Variants in PTPRZ1 observed in about 807,000 individuals in gnomAD.
The protein encoded by PTPRZ1 is protein tyrosine phosphatase receptor type Z1, also known as receptor-type tyrosine-protein phosphatase zeta.
In PTPRZ1, 82 loss-of-function variants were observed where a neutral mutation model predicts 214.1. The observed-to-expected ratio is 0.38, with a 90% CI of 0.32 to 0.46. The LOEUF (loss-of-function observed/expected upper bound fraction) is 0.46, where lower values mean the gene tolerates loss of function less well. PTPRZ1 is among the 20% of genes least tolerant of loss of function. The probability of loss-of-function intolerance (pLI) is 1.00; values close to 1 mark genes in which losing one functional copy is unlikely to be tolerated. For synonymous variants in PTPRZ1, 945 were observed against 987.9 expected (o/e 0.96, Z 0.81); for missense variants, 2,603 against 2,748.7 (o/e 0.95, Z 1.19).
At position 122,003,626 on chromosome 7, in the gene PTPRZ1, C is replaced by G. The variant is rs149428217; in HGVS notation, c.1241-988C>G. Among the ~76,000 whole-genome samples, 859 of 152,172 alleles carry G rather than the reference C, an allele frequency of 5.6e-3. 11 individuals carry two copies. Among genetic ancestry groups the G allele is most frequent in the African/African-American group, 0.02 (824 of 41,520 alleles). ...GAACATAAGCAGCATTAGGATAGTG[C>G]AGAGCATAAATTTTGGCGATAGCCT... On this transcript the variant is annotated intron_variant, in intron 10 of 29. Transcript: ENST00000393386.
Position 121,933,382 on chromosome 7 carries a change from A to T in PTPRZ1, c.124+5161A>T, listed in dbSNP as rs75987144. 5.0e-3 allele frequency among the ~76,000 whole-genome samples: 766 copies of T among 152,216 alleles called. 49 individuals carry two copies. The East Asian group carries it at 0.13, about 26-fold the overall frequency. Reference sequence around the variant, plus strand: ...TCTTTATTTTCTGGACTTTAAAAATATTATATTATTTCTTTTTCACCAATC... The same window carrying T: ...TCTTTATTTTCTGGACTTTAAAAATTTTATATTATTTCTTTTTCACCAATC... On this transcript the variant is annotated intron_variant, in intron 2 of 29. Transcript: ENST00000393386.
chr7:121,962,136 T>C (rs1016760446), intron 2 of PTPRZ1, among the ~76,000 whole-genome samples: 14 of 152,182 alleles, frequency 9.2e-5, no homozygotes, highest in Non-Finnish European at 1.5e-4. Flanking sequence ...ATTAAACATA[T>C]TAATTTGGGA....
chr7:122,015,888 C>T (rs543753301), intron 12 of PTPRZ1, among the ~76,000 whole-genome samples: 1 of 152,074 alleles, frequency 6.6e-6, no homozygotes, highest in Non-Finnish European at 1.5e-5. Context: ...TAAGATCAAA[C>T]AAGATTAGGG....
intron 13 of PTPRZ1, among the ~76,000 whole-genome samples, chr7:122,020,704 A>G (rs1798988633): frequency 6.6e-6 from 1 of 152,204 alleles, no homozygotes; most frequent in African/African-American, 2.4e-5. Context: ...ACTGCACACT[A>G]TGGAGAACAG....
intron 14 of PTPRZ1, among the ~76,000 whole-genome samples, chr7:122,031,073 T>G (rs1147497): frequency 0.45 from 68,142 of 151,778 alleles, 15,572 homozygotes; most frequent in South Asian, 0.54. Flanking sequence ...TTTATTATGC[T>G]TGGTCCACAC....
At chr7:121,976,310 G>C in intron 5 of PTPRZ1, 42 bp downstream of exon 5, 1 of 1,212,834 alleles carries the variant, frequency 8.2e-7, no homozygotes, top group Non-Finnish European at 1.2e-6. Flanking sequence ...TCCTTTTTAA[G>C]TCACATTAAA....
At chr7:121,889,391 G>A (rs984012580) in intron 1 of PTPRZ1, among the ~76,000 whole-genome samples, 10 of 152,148 alleles carry the variant, frequency 6.6e-5, no homozygotes, top group African/African-American at 2.4e-4. Flanking sequence ...CCATCCTGAA[G>A]CAAGGTTTTG....
intron 2 of PTPRZ1, among the ~76,000 whole-genome samples, chr7:121,956,552 T>C (rs1373843445): frequency 6.6e-6 from 1 of 152,232 alleles, no homozygotes; most frequent in African/African-American, 2.4e-5. Flanking sequence ...GCAGAATTTA[T>C]TTGAAGATTC....
intron 8 of PTPRZ1, among the ~76,000 whole-genome samples, chr7:121,987,091 C>T (rs945325110): frequency 9.2e-5 from 14 of 152,166 alleles, no homozygotes; most frequent in Admixed American, 2.6e-4. Flanking sequence ...GCTCAAAAGA[C>T]AATCCTAGTT....
intron 28 of PTPRZ1, 122 bp downstream of exon 28, chr7:122,059,064 A>G (rs1430300957): frequency 1.8e-5 from 18 of 982,572 alleles, no homozygotes; most frequent in Non-Finnish European, 2.4e-5. Context: ...ATGGTGGATT[A>G]TCTGCATCTT....
At chr7:121,890,306 T>C (rs572270698) in intron 1 of PTPRZ1, among the ~76,000 whole-genome samples, 1 of 152,298 alleles carries the variant, frequency 6.6e-6, no homozygotes, top group East Asian at 1.9e-4. Context: ...CACTCAGTTG[T>C]TTAGGACAAA....
intron 22 of PTPRZ1, 151 bp downstream of exon 22, chr7:122,042,894 C>A: frequency 2.5e-6 from 2 of 801,908 alleles, no homozygotes; most frequent in Non-Finnish European, 3.9e-6. Flanking sequence ...GTTCTGATGT[C>A]TGTAGGCCCA....
At chr7:121,919,721 C>T (rs1328304801) in intron 1 of PTPRZ1, among the ~76,000 whole-genome samples, 12 of 151,912 alleles carry the variant, frequency 7.9e-5, no homozygotes, top group African/African-American at 2.9e-4. Flanking sequence ...TTTTCCTTAT[C>T]TAATTGTGAT....
chr7:121,993,850 T>C (rs1798047765), intron 8 of PTPRZ1, among the ~76,000 whole-genome samples: 3 of 152,102 alleles, frequency 2.0e-5, no homozygotes, highest in Non-Finnish European at 2.9e-5. Context: ...AGTATGTATG[T>C]TTTTTTCACC....
intron 23 of PTPRZ1, among the ~76,000 whole-genome samples, chr7:122,047,744 G>A (rs945495294): frequency 6.6e-6 from 1 of 151,732 alleles, no homozygotes; most frequent in Admixed American, 6.6e-5. Context: ...CCTCTCCCTG[G>A]CTTAACTGAT....
At chr7:122,049,478 T>C (rs1423590013) in intron 23 of PTPRZ1, among the ~76,000 whole-genome samples, 1 of 152,076 alleles carries the variant, frequency 6.6e-6, no homozygotes, top group Non-Finnish European at 1.5e-5. Context: ...TCAATAGCAT[T>C]GTTATTTGTT....
At chr7:121,914,256 G>A (rs1584632559) in intron 1 of PTPRZ1, among the ~76,000 whole-genome samples, 1 of 151,932 alleles carries the variant, frequency 6.6e-6, no homozygotes, top group Non-Finnish European at 1.5e-5. Context: ...TTAAATCACT[G>A]GTTTATGATT....
chr7:122,025,330 C>CTT (rs766588678), intron 13 of PTPRZ1, among the ~76,000 whole-genome samples: 14 of 132,860 alleles, frequency 1.1e-4, no homozygotes, highest in Admixed American at 1.5e-4. Context: ...CTTTTTTTTT[C>CTT]TTTTTTTTTT....
chr7:122,041,033 A>G, intron 21 of PTPRZ1, 54 bp downstream of exon 21: 2 of 1,372,214 alleles, frequency 1.5e-6, no homozygotes, highest in Middle Eastern at 3.9e-4. Flanking sequence ...ACTTGCAAAA[A>G]GGAAATCAAT....
Sources: gnomAD v4.1 joint callset for allele counts (sites outside exome capture counted in the v4.1 genomes callset) on GRCh38, gnomAD v4.1.1 for gene constraint, MANE v1.5 for transcripts, NCBI Gene and HGNC (gene_info 2026-07-23, HGNC 2026-07-21) for gene names.